USH2A: variants seen among roughly 807,000 people sequenced by gnomAD.
The protein encoded by USH2A is usherin.
In USH2A, 443 loss-of-function variants were observed where a neutral mutation model predicts 538.9. That is an observed-to-expected ratio of 0.82 (90% confidence interval 0.76 to 0.89). The LOEUF (loss-of-function observed/expected upper bound fraction) is 0.89, where lower values mean the gene tolerates loss of function less well. Ranked by LOEUF, USH2A falls within the 40% of genes least tolerant of loss-of-function variation. The pLI is 0.00. For synonymous variants in USH2A, 2,413 were observed against 2,273.5 expected (o/e 1.06, Z -1.75); for missense variants, 6,633 against 6,324.8 (o/e 1.05, Z -1.65).
intron 21 of USH2A, among the ~76,000 whole-genome samples, chr1:216,147,992 G>A (rs2033746627): frequency 3.2e-5 from 4 of 123,392 alleles, no homozygotes; most frequent in Admixed American, 1.7e-4. Context: ...CTCCTTCCCA[G>A]ATCTTCTCGG....
At chr1:216,139,181 A>G (rs1356077210) in intron 21 of USH2A, among the ~76,000 whole-genome samples, 1 of 152,130 alleles carries the variant, frequency 6.6e-6, no homozygotes, top group Non-Finnish European at 1.5e-5. Flanking sequence ...AATATCAGCC[A>G]AGGTCAGAAA....
intron 16 of USH2A, among the ~76,000 whole-genome samples, chr1:216,202,957 G>A (rs2035031711): frequency 6.6e-6 from 1 of 151,950 alleles, no homozygotes; most frequent in Non-Finnish European, 1.5e-5. Context: ...TGTTACTTTG[G>A]TTTACTTATA....
intron 17 of USH2A, among the ~76,000 whole-genome samples, chr1:216,199,316 A>C (rs1395172813): frequency 6.6e-6 from 1 of 152,190 alleles, no homozygotes; most frequent in African/African-American, 2.4e-5. Context: ...AGTCAAATAT[A>C]ATGCATTTCA....
chr1:215,645,870 C>T (rs1336041809), intron 67 of USH2A, among the ~76,000 whole-genome samples: 2 of 151,604 alleles, frequency 1.3e-5, no homozygotes, highest in Admixed American at 6.6e-5. Flanking sequence ...GATAACCAGA[C>T]ATTCAAAGAT....
At chr1:216,413,303 A>G (rs991447822) in intron 3 of USH2A, among the ~76,000 whole-genome samples, 2 of 152,022 alleles carry the variant, frequency 1.3e-5, no homozygotes, top group East Asian at 1.9e-4. Context: ...TGGTATTCCT[A>G]TGACAATTCT....
At chr1:215,902,020 CACTA>C (rs751296380) in intron 38 of USH2A, among the ~76,000 whole-genome samples, 86 of 152,222 alleles carry the variant, frequency 5.6e-4, no homozygotes, top group Non-Finnish European at 9.7e-4. Context: ...AATTATTAGT[CACTA>C]ACTATTATTA....
At chr1:216,080,739 C>G (rs886809629) in intron 26 of USH2A, among the ~76,000 whole-genome samples, 1 of 149,982 alleles carries the variant, frequency 6.7e-6, no homozygotes, top group South Asian at 2.1e-4. Context: ...CAAGTTCTTA[C>G]AGAGGAAGGG....
chr1:216,367,638 T>C (rs1382843508), intron 3 of USH2A, among the ~76,000 whole-genome samples: 2 of 152,146 alleles, frequency 1.3e-5, no homozygotes, highest in African/African-American at 4.8e-5. Context: ...AAATAATGAT[T>C]AATGATGATC....
chr1:215,750,608 T>G (rs1400420955), intron 58 of USH2A, among the ~76,000 whole-genome samples: 2 of 152,110 alleles, frequency 1.3e-5, no homozygotes, highest in Non-Finnish European at 2.9e-5. Flanking sequence ...CAAAAATCAG[T>G]TTTTTAGCTT....
At position 215,776,866 on chromosome 1, in the gene USH2A, T is replaced by C. The variant is rs1000707972; in HGVS notation, c.10939+2977A>G. ...TGAGTAACATTATATAGATCTCAAG[T>C]TTCCGATTATCTAATGCCTAGCACC... On this transcript the variant is annotated intron_variant, in intron 55 of 71. Transcript: ENST00000307340. 3.9e-5 allele frequency among the ~76,000 whole-genome samples: 6 copies of C among 152,162 alleles called. No individual in the cohort carries two copies. The South Asian group carries it at 6.2e-4, about 16-fold the overall frequency.
At chr1:216,060,091 G>A (rs1396315255) in intron 30 of USH2A, among the ~76,000 whole-genome samples, 2 of 152,190 alleles carry the variant, frequency 1.3e-5, no homozygotes, top group African/African-American at 2.4e-5. Context: ...ATAAAGCAGG[G>A]ATAGTTGCAA....
chr1:215,729,404 C>CT, intron 60 of USH2A, among the ~76,000 whole-genome samples: 1 of 152,238 alleles, frequency 6.6e-6, no homozygotes, highest in South Asian at 2.1e-4. Context: ...ACAATCTTTT[C>CT]TTATACATCA....
At chr1:216,000,282 A>C in intron 33 of USH2A, 121 bp downstream of exon 33, 999 of 1,089,948 alleles carry the variant, frequency 9.2e-4, no homozygotes, top group Non-Finnish European at 1.3e-3. Flanking sequence ...CCACTGAACT[A>C]ATCACTTCTA....
chr1:215,688,266 G>A (rs2820692), intron 61 of USH2A, among the ~76,000 whole-genome samples: 57,514 of 151,852 alleles, frequency 0.38, 11,160 homozygotes, highest in South Asian at 0.56. Context: ...GAGCTAGTGC[G>A]ACCAAGCTGG....
intron 3 of USH2A, among the ~76,000 whole-genome samples, chr1:216,368,785 T>G (rs2038647558): frequency 6.6e-6 from 1 of 152,226 alleles, no homozygotes; most frequent in Admixed American, 6.5e-5. Flanking sequence ...TATGTCTTAA[T>G]TTGTTAATAT....
chr1:216,250,036 CAT>C (rs1365197317), intron 12 of USH2A, among the ~76,000 whole-genome samples: 1 of 152,084 alleles, frequency 6.6e-6, no homozygotes, highest in Admixed American at 6.6e-5. Flanking sequence ...GGAACCAAGA[CAT>C]ATTCAGTTAC....
intron 67 of USH2A, among the ~76,000 whole-genome samples, chr1:215,645,892 G>T (rs1193444851): frequency 6.6e-6 from 1 of 151,318 alleles, no homozygotes; most frequent in East Asian, 1.9e-4. Flanking sequence ...TGTTCACAAA[G>T]ATTTTTTCAT....
At chr1:215,950,260 T>G (rs1301351848) in intron 37 of USH2A, among the ~76,000 whole-genome samples, 1 of 152,148 alleles carries the variant, frequency 6.6e-6, no homozygotes, top group Non-Finnish European at 1.5e-5. Context: ...AATAAGGAAT[T>G]GATAAATACA....
intron 5 of USH2A, among the ~76,000 whole-genome samples, chr1:216,326,428 A>G (rs544259864): frequency 6.6e-6 from 1 of 152,290 alleles, no homozygotes; most frequent in Admixed American, 6.6e-5. Context: ...ACATGAAGTC[A>G]TACCTTCTTT....
Sources: allele counts gnomAD v4.1 joint callset (sites outside exome capture counted in the v4.1 genomes callset), GRCh38; gene constraint gnomAD v4.1.1; transcripts MANE v1.5; gene names NCBI Gene and HGNC (gene_info 2026-07-23, HGNC 2026-07-21).